Variants in MYO1E observed in about 807,000 individuals in gnomAD.
The protein encoded by MYO1E is unconventional myosin-Ie.
A neutral mutation model predicts 151.1 loss-of-function variants in MYO1E; 68 were observed. The observed-to-expected ratio is 0.45, with a 90% CI of 0.37 to 0.55. The LOEUF (loss-of-function observed/expected upper bound fraction) is 0.55, where lower values mean the gene tolerates loss of function less well. Ranked by LOEUF, MYO1E falls within the 20% of genes least tolerant of loss-of-function variation. The pLI, the probability that MYO1E is intolerant of heterozygous loss-of-function variation, is 0.00. For missense variants in MYO1E, 1,363 were observed against 1,389.3 expected (o/e 0.98, Z 0.30); for synonymous variants, 601 against 501.7 (o/e 1.20, Z -2.64).
At chr15:59,186,555 T>C (rs769041363) in intron 18 of MYO1E, among the ~76,000 whole-genome samples, 1 of 151,962 alleles carries the variant, frequency 6.6e-6, no homozygotes, top group Non-Finnish European at 1.5e-5. Context: ...CACTTGAGAG[T>C]AGCTGGGGCA....
intron 26 of MYO1E, among the ~76,000 whole-genome samples, chr15:59,146,467 C>T (rs1244384331): frequency 6.6e-6 from 1 of 152,090 alleles, no homozygotes; most frequent in African/African-American, 2.4e-5. Context: ...AGGCACCTGC[C>T]ACCACGCCCG....
At chr15:59,355,907 C>T (rs1391717066) in intron 1 of MYO1E, among the ~76,000 whole-genome samples, 1 of 152,006 alleles carries the variant, frequency 6.6e-6, no homozygotes, top group Non-Finnish European at 1.5e-5. Context: ...TTTGTAGAGA[C>T]GGGGTCTCAC....
intron 1 of MYO1E, among the ~76,000 whole-genome samples, chr15:59,298,526 G>C (rs573119936): frequency 6.6e-6 from 1 of 152,302 alleles, no homozygotes; most frequent in African/African-American, 2.4e-5. Flanking sequence ...AAGGAAATCA[G>C]GTCTGTCCAT....
chr15:59,282,462 C>T (rs963962812), intron 1 of MYO1E, among the ~76,000 whole-genome samples: 60 of 152,146 alleles, frequency 3.9e-4, no homozygotes, highest in African/African-American at 1.2e-3. Flanking sequence ...AAGTGCTTCC[C>T]GTAAGCATTA....
At chr15:59,215,754 A>G (rs34250521) in intron 10 of MYO1E, among the ~76,000 whole-genome samples, 32,719 of 152,120 alleles carry the variant, frequency 0.22, 3,959 homozygotes, top group South Asian at 0.46. Context: ...ATGAGTATTC[A>G]TGTACTGGTA....
chr15:59,209,070 A>G, intron 13 of MYO1E: 2 of 606,500 alleles, frequency 3.3e-6, no homozygotes, highest in South Asian at 3.9e-5. Context: ...AAGCTGTTTA[A>G]CTCCCTGAAG....
At chr15:59,298,630 C>G (rs2080465133) in intron 1 of MYO1E, among the ~76,000 whole-genome samples, 1 of 152,176 alleles carries the variant, frequency 6.6e-6, no homozygotes, top group Admixed American at 6.5e-5. Flanking sequence ...TTCCCCCTCT[C>G]TTCCTTGACT....
chr15:59,224,793 G>C lies in MYO1E; in HGVS notation c.673C>G (p.His225Asp), dbSNP rs780242757. The C allele has an allele frequency of 1.2e-6, 2 of 1,614,108 alleles. No individual in the cohort carries two copies. Among genetic ancestry groups the C allele is most frequent in the African/African-American group, 2.7e-5 (2 of 74,960 alleles). ...LIEGASAEQK[H>D]SLGITSMDYY... ...TCCATGCTGGTGATGCCAAGGCTGT[G>C]TTTCTGCTCTGCAGAGGCGCCCTCG... Residue 225 changes from histidine (H) to aspartate (D), a missense_variant, in exon 8 of 28, where the codon CAC (histidine) becomes GAC (aspartate). Physicochemically the swap from His to Asp is moderately conservative, Grantham distance 81. Coordinates refer to ENST00000288235, the MANE Select transcript of MYO1E (RefSeq NM_004998.4).
At chr15:59,195,429 C>A in intron 17 of MYO1E, 32 bp downstream of exon 17, 7 of 1,568,802 alleles carry the variant, frequency 4.5e-6, no homozygotes, top group Non-Finnish European at 6.1e-6. Flanking sequence ...GAAAAAGGTC[C>A]CGGCCCCACC....
At chr15:59,167,286 C>G (rs143770298) in intron 22 of MYO1E, among the ~76,000 whole-genome samples, 1 of 152,298 alleles carries the variant, frequency 6.6e-6, no homozygotes, top group Non-Finnish European at 1.5e-5. Flanking sequence ...CCCAGACAGA[C>G]AGCCACACAA....
Position 59,195,450 on chromosome 15 carries a change from T to A in MYO1E, c.1805+11A>T. On this transcript the variant is annotated intron_variant, in intron 17 of 27. Coordinates refer to ENST00000288235, the MANE Select transcript of MYO1E (RefSeq NM_004998.4). Reference sequence around the variant, plus strand: ...GGTCCCGGCCCCACCTAAGCCGGTTTCCCCCGATACCTGCTTTCCTCCCAG... The same window carrying A: ...GGTCCCGGCCCCACCTAAGCCGGTTACCCCCGATACCTGCTTTCCTCCCAG... 1 of 1,607,366 alleles carries A rather than the reference T, an allele frequency of 6.2e-7. No individual in the cohort carries two copies. The highest frequency in any genetic ancestry group is 1.1e-5 in the South Asian group (1 of 90,934).
chr15:59,260,963 C>G (rs2080221148), intron 3 of MYO1E, among the ~76,000 whole-genome samples: 1 of 152,130 alleles, frequency 6.6e-6, no homozygotes, highest in Admixed American at 6.5e-5. Context: ...GGTGGCTCAC[C>G]AGCACTTTGG....
chr15:59,274,257 C>T (rs916748802), intron 1 of MYO1E, among the ~76,000 whole-genome samples: 1 of 152,162 alleles, frequency 6.6e-6, no homozygotes, highest in Admixed American at 6.5e-5. Flanking sequence ...CTATATCTGG[C>T]ATTCTCAGAA....
At chr15:59,212,954 TGAG>T (rs138630306) in intron 12 of MYO1E, among the ~76,000 whole-genome samples, 26,431 of 151,422 alleles carry the variant, frequency 0.17, 3,124 homozygotes, top group African/African-American at 0.34. Context: ...CCCTCTATCC[TGAG>T]GAGGAGGAGG....
chr15:59,208,432 T>C, intron 14 of MYO1E: 1 of 590,018 alleles, frequency 1.7e-6, no homozygotes, highest in Non-Finnish European at 3.1e-6. Flanking sequence ...TCATTCTTGC[T>C]GGTTTATACC....
Position 59,365,032 on chromosome 15 carries a change from CT to C in MYO1E, c.3+7465del, listed in dbSNP as rs200786215. On this transcript the variant is annotated intron_variant, in intron 1 of 27. Coordinates refer to ENST00000288235, the MANE Select transcript of MYO1E (RefSeq NM_004998.4). ...GGTGAATTATTCTAAATTTCTTTTTCTTTTTTTTTTTCTTTTTTGAGATGTG... is the reference window on the plus strand; with the variant it reads ...GGTGAATTATTCTAAATTTCTTTTTCTTTTTTTTTTCTTTTTTGAGATGTG... Among the ~76,000 whole-genome samples the C allele has an allele frequency of 4.6e-4, 67 of 146,644 alleles. 1 individual carries two copies. The highest frequency in any genetic ancestry group is 1.3e-3 in the African/African-American group (51 of 40,046).
intron 3 of MYO1E, among the ~76,000 whole-genome samples, chr15:59,258,601 C>T (rs2080207484): frequency 1.3e-5 from 2 of 152,162 alleles, no homozygotes; most frequent in Admixed American, 1.3e-4. Flanking sequence ...GCCTGTAATC[C>T]CAGCACTTTC....
chr15:59,250,012 G>A (rs2080154672), intron 4 of MYO1E, among the ~76,000 whole-genome samples: 1 of 151,948 alleles, frequency 6.6e-6, no homozygotes, highest in South Asian at 2.1e-4. Flanking sequence ...TGCTGCCCAG[G>A]GTCAGGTGAG....
intron 13 of MYO1E, among the ~76,000 whole-genome samples, chr15:59,209,845 T>TTTTTTTTTTTTTTG (rs2079867719): frequency 9.1e-6 from 1 of 110,132 alleles, no homozygotes; most frequent in African/African-American, 4.3e-5. Flanking sequence ...TTTTTTTTTT[T>TTTTTTTTTTTTTTG]TTGAGACATG....
Sources: gnomAD v4.1 joint callset for allele counts (sites outside exome capture counted in the v4.1 genomes callset) on GRCh38, gnomAD v4.1.1 for gene constraint, MANE v1.5 for transcripts, NCBI Gene and HGNC (gene_info 2026-07-23, HGNC 2026-07-21) for gene names.